Variants in MAGI2 observed in about 807,000 individuals in gnomAD.
MAGI2 encodes the protein membrane-associated guanylate kinase, WW and PDZ domain-containing protein 2.
A neutral mutation model predicts 133.3 loss-of-function variants in MAGI2; 35 were observed. That is an observed-to-expected ratio of 0.26 (90% CI 0.20 to 0.35). MAGI2 has a LOEUF of 0.35. Among genes scored for constraint, MAGI2 ranks in the 10% least tolerant of loss-of-function variants. The pLI, the probability that MAGI2 is intolerant of heterozygous loss-of-function variation, is 1.00. For synonymous variants in MAGI2, 729 were observed against 710.6 expected, an observed-to-expected ratio of 1.03 and a Z score of -0.41; for missense variants, 1,636 against 1,863.4, an observed-to-expected ratio of 0.88 and a Z score of 2.25.
At chr7:78,920,025 C>T (rs1003075063) in intron 2 of MAGI2, among the ~76,000 whole-genome samples, 4 of 152,214 alleles carry the variant, frequency 2.6e-5, no homozygotes, top group Middle Eastern at 3.4e-3. Flanking sequence ...AGTTCCATTG[C>T]TTCCAACATT....
chr7:78,924,824 T>A (rs1389038093), intron 2 of MAGI2, among the ~76,000 whole-genome samples: 7 of 151,254 alleles, frequency 4.6e-5, no homozygotes, highest in African/African-American at 1.7e-4. Context: ...CTTGCTGAAA[T>A]CCCTTCTACA....
At chr7:78,131,906 C>T (rs1821598891) in intron 18 of MAGI2, among the ~76,000 whole-genome samples, 1 of 152,190 alleles carries the variant, frequency 6.6e-6, no homozygotes, top group African/African-American at 2.4e-5. Context: ...CAGAGTCTCA[C>T]TCTGTCATCC....
intron 20 of MAGI2, among the ~76,000 whole-genome samples, chr7:78,092,672 T>A (rs1817315948): frequency 6.6e-6 from 1 of 152,210 alleles, no homozygotes; most frequent in Admixed American, 6.5e-5. Flanking sequence ...AGCCTCTGGT[T>A]TATTGTAGCT....
intron 21 of MAGI2, among the ~76,000 whole-genome samples, chr7:78,036,376 G>C (rs1563033538): frequency 6.7e-6 from 1 of 148,204 alleles, no homozygotes; most frequent in African/African-American, 2.5e-5. Flanking sequence ...ATCTAACATG[G>C]TTTTTGGCAT....
chr7:78,670,764 A>G (rs1461034151), intron 2 of MAGI2, among the ~76,000 whole-genome samples: 2 of 152,092 alleles, frequency 1.3e-5, no homozygotes, highest in Middle Eastern at 3.4e-3. Flanking sequence ...CAGAAAGTTG[A>G]TCTTTAACAC....
chr7:79,270,938 T>C (rs1834828996), intron 1 of MAGI2, among the ~76,000 whole-genome samples: 2 of 152,156 alleles, frequency 1.3e-5, no homozygotes, highest in African/African-American at 4.8e-5. Flanking sequence ...CCTTAGTTTG[T>C]TTCAATAATA....
intron 1 of MAGI2, among the ~76,000 whole-genome samples, chr7:79,214,193 A>G (rs1011654260): frequency 6.6e-6 from 1 of 151,394 alleles, no homozygotes; most frequent in African/African-American, 2.4e-5. Flanking sequence ...AGATTACCCC[A>G]AACTGCATTT....
chr7:79,314,163 G>A (rs1402611083), intron 1 of MAGI2, among the ~76,000 whole-genome samples: 2 of 152,092 alleles, frequency 1.3e-5, no homozygotes, highest in African/African-American at 2.4e-5. Flanking sequence ...TAGTAGAGAC[G>A]GGGTTTCATC....
intron 1 of MAGI2, among the ~76,000 whole-genome samples, chr7:79,434,707 G>A (rs1290626238): frequency 6.6e-6 from 1 of 152,168 alleles, no homozygotes; most frequent in Non-Finnish European, 1.5e-5. Flanking sequence ...ATGTTTATTA[G>A]TTATGGACAG....
At chr7:78,592,828 C>CTTCTT (rs1804163780) in intron 3 of MAGI2, among the ~76,000 whole-genome samples, 1 of 106,874 alleles carries the variant, frequency 9.4e-6, no homozygotes, top group South Asian at 3.2e-4. Flanking sequence ...TACTGATTCT[C>CTTCTT]TTTTTTTTTT....
intron 3 of MAGI2, among the ~76,000 whole-genome samples, chr7:78,583,098 T>A (rs1390147673): frequency 6.6e-6 from 1 of 152,180 alleles, no homozygotes; most frequent in Non-Finnish European, 1.5e-5. Flanking sequence ...AGAAAAAGAC[T>A]AGGGATTATT....
chr7:78,783,930 T>A (rs1338650190), intron 2 of MAGI2, among the ~76,000 whole-genome samples: 1 of 152,252 alleles, frequency 6.6e-6, no homozygotes, highest in Non-Finnish European at 1.5e-5. Flanking sequence ...CATATTTTAT[T>A]TAAAGAATAC....
intron 2 of MAGI2, among the ~76,000 whole-genome samples, chr7:78,847,941 A>G (rs866461860): frequency 7.9e-5 from 12 of 152,078 alleles, no homozygotes; most frequent in African/African-American, 2.9e-4. Context: ...TATTAACTGA[A>G]TTACTGAATA....
At chr7:79,412,990 A>G (rs2129172625) in intron 1 of MAGI2, 1 of 152,276 alleles carries the variant, frequency 6.6e-6, no homozygotes, top group Admixed American at 6.5e-5. Context: ...CTCTAATAAA[A>G]GAATGTCAGA....
chr7:79,298,662 C>T (rs1464223667), intron 1 of MAGI2, among the ~76,000 whole-genome samples: 1 of 151,880 alleles, frequency 6.6e-6, no homozygotes, highest in Non-Finnish European at 1.5e-5. Context: ...TAAATTGTGT[C>T]CCCCCAAAAT....
In MAGI2 at chr7:78,717,277, A is replaced by G. The variant is rs113398190; in HGVS notation, c.419-90038T>C. Among the ~76,000 whole-genome samples the G allele has an allele frequency of 9.4e-3, 1,422 of 151,080 alleles. 27 individuals carry two copies. The highest frequency in any genetic ancestry group is 0.033 in the African/African-American group (1,352 of 41,254). ...TGGAAGTTATACCACACAACACAGC[A>G]CACACACACACACAGAGTGAAAAGG... is the stretch of plus-strand genomic sequence containing the variant. On this transcript the variant is annotated intron_variant, in intron 2 of 21. Coordinates refer to ENST00000354212, the MANE Select transcript of MAGI2 (RefSeq NM_012301.4).
rs1808452590 is a variant in MAGI2, at chr7:78,627,110, T to C, written c.538+10A>G. 6.4e-7 allele frequency: 1 copy of C among 1,568,334 alleles called. No individual in the cohort carries two copies. Reference sequence around the variant, plus strand: ...CAACAAGAAAGATTTCTCAGGAACGTTGTGCTTACCTTCATAAGTCCCACT... The same window carrying C: ...CAACAAGAAAGATTTCTCAGGAACGCTGTGCTTACCTTCATAAGTCCCACT... On this transcript the variant is annotated intron_variant, in intron 3 of 21. Transcript: ENST00000354212.
chr7:78,961,555 T>C (rs994482139), intron 2 of MAGI2, among the ~76,000 whole-genome samples: 2 of 152,278 alleles, frequency 1.3e-5, no homozygotes, highest in East Asian at 3.9e-4. Context: ...AAGTGGTTTA[T>C]GTGGATGTGC....
intron 9 of MAGI2, among the ~76,000 whole-genome samples, chr7:78,318,859 CCAAA>C (rs755087146): frequency 6.6e-6 from 1 of 152,082 alleles, no homozygotes; most frequent in Non-Finnish European, 1.5e-5. Context: ...TCATATCCAG[CCAAA>C]CAAAGCTTCA....
Sources: allele counts gnomAD v4.1 joint callset (sites outside exome capture counted in the v4.1 genomes callset), GRCh38; gene constraint gnomAD v4.1.1; transcripts MANE v1.5; gene names NCBI Gene and HGNC (gene_info 2026-07-23, HGNC 2026-07-21).